Variants in ARRDC5 observed in about 807,000 individuals in gnomAD.
ARRDC5 encodes the protein arrestin domain containing 5.
ARRDC5 carries 12 observed loss-of-function variants against 13.3 expected under a neutral mutation model. That is an observed-to-expected ratio of 0.90 (90% CI 0.58 to 1.46). The LOEUF is 1.46. ARRDC5 is among the 40% of genes most tolerant of loss of function. The pLI is 0.00. For synonymous variants in ARRDC5, 181 were observed against 173.4 expected (o/e 1.04, Z -0.34); for missense variants, 406 against 418.7 (o/e 0.97, Z 0.26).
In ARRDC5 at chr19:4,902,777, A is replaced by G. The variant is rs1488711782; in HGVS notation, c.49T>C (p.Tyr17His). The change falls in exon 1 of 3, where the codon TAC becomes CAC. Residue 17 changes from tyrosine (Y) to histidine (H), a missense_variant. Physicochemically the swap from Tyr to His is moderately conservative, Grantham distance 83. Transcript: ENST00000650722. ...IELVLPEDRI[Y>H]LAGSSIKGQV... ...CCTTTTATGCTGGAGCCAGCCAGGTAGATTCTATCCTCGGGCAGCACTAAT... is the reference window on the plus strand; with the variant it reads ...CCTTTTATGCTGGAGCCAGCCAGGTGGATTCTATCCTCGGGCAGCACTAAT... 6.2e-7 allele frequency: 1 copy of G among 1,613,836 alleles called. No homozygotes were observed. Among genetic ancestry groups the G allele is most frequent in the East Asian group, 2.2e-5 (1 of 44,894 alleles).
At position 4,902,786 on chromosome 19, in the gene ARRDC5, C is replaced by A. The variant is rs1212124889; in HGVS notation, c.40G>T (p.Asp14Tyr). The A allele has an allele frequency of 6.2e-7, 1 of 1,613,962 alleles. No individual in the cohort carries two copies. Among genetic ancestry groups the A allele is most frequent in the South Asian group, 1.1e-5 (1 of 91,076 alleles). Reference protein sequence around the residue: ...VKSIELVLPEDRIYLAGSSIK... With the variant: ...VKSIELVLPEYRIYLAGSSIK... ...CTGGAGCCAGCCAGGTAGATTCTAT[C>A]CTCGGGCAGCACTAATTCGATCGAC... Residue 14 changes from aspartate (D) to tyrosine (Y), a missense_variant, in exon 1 of 3, where the codon GAT becomes TAT. Asp to Tyr is a radical substitution (Grantham distance 160, BLOSUM62 -3). Transcript: ENST00000650722.
the ARRDC5 span, among the ~76,000 whole-genome samples, chr19:4,909,978 GCCCGATTTCGCGCGCCCTGAGTT>G: frequency 6.6e-6 from 1 of 150,886 alleles, no homozygotes; most frequent in Admixed American, 6.6e-5. Flanking sequence ...TCGCGCCCGA[GCCCGATTTCGCGCGCCCTGAGTT>G]CCCCGGGAGC....
intron 1 of ARRDC5, among the ~76,000 whole-genome samples, chr19:4,897,159 G>A (rs2031765212): frequency 6.6e-6 from 1 of 152,248 alleles, no homozygotes; most frequent in East Asian, 1.9e-4. Flanking sequence ...GTTCTGTCAT[G>A]TTGTCCATCC....
chr19:4,909,662 G>A, the ARRDC5 span: 38 of 533,900 alleles, frequency 7.1e-5, 1 homozygote, highest in African/African-American at 6.7e-4. Context: ...AGAGGTGAGC[G>A]GGCGGGCCGG....
chr19:4,910,949 C>T, the ARRDC5 span: 3 of 1,613,700 alleles, frequency 1.9e-6, no homozygotes, highest in Middle Eastern at 1.7e-4. Context: ...GCTGTCCAGG[C>T]TGACCAAGGT....
chr19:4,894,473 T>C (rs1233458973), intron 2 of ARRDC5, among the ~76,000 whole-genome samples: 4 of 119,352 alleles, frequency 3.4e-5, no homozygotes, highest in Non-Finnish European at 6.6e-5. Flanking sequence ...ATCCCGCCAC[T>C]GCACTCCAGC....
At position 4,896,671 on chromosome 19, in the gene ARRDC5, C is replaced by G; in HGVS notation, c.459G>C (p.Gln153His). ...ACCTCCACCTTTCCCCCATCGGTACCTGGAATGGGGTTTCTTTGTGGAAGG... is the reference window on the plus strand; with the variant it reads ...ACCTCCACCTTTCCCCCATCGGTACGTGGAATGGGGTTTCTTTGTGGAAGG... Reference protein sequence around the residue: ...TSTFHKETPFQNPLFVEAEEK... With the variant: ...TSTFHKETPFHNPLFVEAEEK... Residue 153 changes from glutamine (Q) to histidine (H), a missense_variant and splice_region_variant, in exon 2 of 3, where the codon CAG becomes CAC. Physicochemically the swap from Gln to His is conservative, Grantham distance 24. Coordinates refer to ENST00000650722, the MANE Select transcript of ARRDC5 (RefSeq NM_001080523.3). The G allele has an allele frequency of 1.2e-6, 2 of 1,607,792 alleles. No individual in the cohort carries two copies. Among genetic ancestry groups the G allele is most frequent in the Middle Eastern group, 3.3e-4 (2 of 6,026 alleles).
the ARRDC5 span, among the ~76,000 whole-genome samples, chr19:4,912,154 C>T: frequency 3.3e-5 from 5 of 152,126 alleles, no homozygotes; most frequent in African/African-American, 4.8e-5. Context: ...TGAGTTAACC[C>T]GCCCTGCCCC....
chr19:4,915,646 G>C, the ARRDC5 span, among the ~76,000 whole-genome samples: 3 of 151,990 alleles, frequency 2.0e-5, no homozygotes, highest in Non-Finnish European at 2.9e-5. Context: ...GAGGTGGGAG[G>C]TTGCAGTGAG....
upstream of ARRDC5, among the ~76,000 whole-genome samples, chr19:4,906,789 T>C (rs764870067): frequency 1.3e-5 from 2 of 152,018 alleles, no homozygotes; most frequent in Non-Finnish European, 2.9e-5. Flanking sequence ...AAAAATGTAT[T>C]CCCTCTTTCA....
Sources: allele counts gnomAD v4.1 joint callset (sites outside exome capture counted in the v4.1 genomes callset), GRCh38; gene constraint gnomAD v4.1.1; transcripts MANE v1.5; gene names NCBI Gene and HGNC (gene_info 2026-07-23, HGNC 2026-07-21).